PCDH9: variants seen among roughly 807,000 people sequenced by gnomAD.
The protein encoded by PCDH9 is protocadherin-9.
In PCDH9, 24 loss-of-function variants were observed where a neutral mutation model predicts 70.6. The ratio of observed to expected loss-of-function variants is 0.34; its 90% CI spans 0.25 to 0.48. The LOEUF is 0.48. PCDH9 is among the 20% of genes least tolerant of loss of function. The pLI is 0.99. For missense variants in PCDH9, 1,281 were observed against 1,503.6 expected (o/e 0.85, Z 2.45); for synonymous variants, 562 against 558.5 (o/e 1.01, Z -0.09).
At chr13:66,726,143 G>A (rs1165061355) in intron 3 of PCDH9, among the ~76,000 whole-genome samples, 2 of 152,042 alleles carry the variant, frequency 1.3e-5, no homozygotes, top group African/African-American at 2.4e-5. Flanking sequence ...GAGAGAGAAG[G>A]GAGAAAGAGG....
At chr13:67,126,689 A>C (rs1566441090) in intron 2 of PCDH9, among the ~76,000 whole-genome samples, 1 of 152,136 alleles carries the variant, frequency 6.6e-6, no homozygotes, top group Non-Finnish European at 1.5e-5. Flanking sequence ...TCTCTACTAA[A>C]AATACAAAAG....
At chr13:66,462,012 G>A (rs1340248921) in intron 4 of PCDH9, among the ~76,000 whole-genome samples, 1 of 151,670 alleles carries the variant, frequency 6.6e-6, no homozygotes, top group East Asian at 1.9e-4. Context: ...CAACAAGCTG[G>A]AGCTAGTTCC....
chr13:66,695,379 T>C (rs2078548049), intron 3 of PCDH9, among the ~76,000 whole-genome samples: 1 of 152,196 alleles, frequency 6.6e-6, no homozygotes, highest in Non-Finnish European at 1.5e-5. Context: ...CTAGCTACTA[T>C]ATCCCCAAGA....
rs369252004 is a variant in PCDH9 at position 66,469,344 on chromosome 13, A to G, written c.3340+161866T>C. ...TAACTTCAAGATACTTTAAAAATGT[A>G]TAGTCTGTCAATATTGATTCACAGA... On this transcript the variant is annotated intron_variant, in intron 4 of 4. Transcript: ENST00000377865. Among the ~76,000 whole-genome samples, 8 of 152,170 alleles carry G rather than the reference A, an allele frequency of 5.3e-5. No homozygotes were observed. In the East Asian group the frequency reaches 9.7e-4, roughly 18 times the overall value.
chr13:67,153,351 G>A (rs2087710832), intron 2 of PCDH9, among the ~76,000 whole-genome samples: 1 of 150,682 alleles, frequency 6.6e-6, no homozygotes, highest in Non-Finnish European at 1.5e-5. Context: ...ATTTTTTTTT[G>A]CAGATATGGT....
chr13:66,736,613 A>T, intron 3 of PCDH9, among the ~76,000 whole-genome samples: 1 of 152,326 alleles, frequency 6.6e-6, no homozygotes, highest in East Asian at 1.9e-4. Flanking sequence ...TAAAAAACAA[A>T]GTTTTCAGGG....
At position 66,701,887 on chromosome 13, in the gene PCDH9, G is replaced by A. The variant is rs2078652326; in HGVS notation, c.3139-70476C>T. On this transcript the variant is annotated intron_variant, in intron 3 of 4. Transcript: ENST00000377865. ...TAATCCTGGTAACATTTCTTCTTCT[G>A]ATGCAGGGATTGTTACTCTCTTTGT... Among the ~76,000 whole-genome samples the A allele has an allele frequency of 1.3e-5, 2 of 152,092 alleles. 1 individual carries two copies. Among genetic ancestry groups the A allele is most frequent in the South Asian group, 4.1e-4 (2 of 4,826 alleles).
chr13:66,360,000 G>A (rs1297357885), intron 4 of PCDH9, among the ~76,000 whole-genome samples: 1 of 152,034 alleles, frequency 6.6e-6, no homozygotes, highest in Non-Finnish European at 1.5e-5. Context: ...TTTAAAGTTT[G>A]TTTGGTTAGC....
At chr13:67,010,797 A>T (rs1236539633) in intron 2 of PCDH9, among the ~76,000 whole-genome samples, 1 of 152,002 alleles carries the variant, frequency 6.6e-6, no homozygotes, top group Non-Finnish European at 1.5e-5. Flanking sequence ...TCAAATTCAG[A>T]TTAGCCACCA....
intron 2 of PCDH9, among the ~76,000 whole-genome samples, chr13:67,115,286 C>G (rs769816873): frequency 2.0e-5 from 3 of 152,142 alleles, no homozygotes; most frequent in Non-Finnish European, 2.9e-5. Flanking sequence ...GGTTTCAAAG[C>G]TAATGCTGGT....
At chr13:66,608,994 C>T (rs1046198661) in intron 4 of PCDH9, among the ~76,000 whole-genome samples, 2 of 152,140 alleles carry the variant, frequency 1.3e-5, no homozygotes, top group African/African-American at 4.8e-5. Flanking sequence ...TCTAGGGAGA[C>T]CCCAACTTGG....
intron 4 of PCDH9, among the ~76,000 whole-genome samples, chr13:66,603,874 T>C (rs1327083039): frequency 1.3e-5 from 2 of 151,944 alleles, no homozygotes; most frequent in African/African-American, 4.8e-5. Context: ...TACTAGAACA[T>C]AAGATTATAA....
chr13:66,765,900 A>G (rs2139261956), intron 3 of PCDH9, among the ~76,000 whole-genome samples: 1 of 152,134 alleles, frequency 6.6e-6, no homozygotes, highest in South Asian at 2.1e-4. Flanking sequence ...ATATAGAACC[A>G]GAGAAAGAAC....
chr13:66,576,934 C>T, intron 4 of PCDH9, among the ~76,000 whole-genome samples: 1 of 151,794 alleles, frequency 6.6e-6, no homozygotes, highest in South Asian at 2.1e-4. Flanking sequence ...TATAAATTTA[C>T]ACTAAAAAAC....
chr13:66,410,827 T>C (rs755494113), intron 4 of PCDH9, among the ~76,000 whole-genome samples: 10 of 152,178 alleles, frequency 6.6e-5, no homozygotes, highest in Non-Finnish European at 1.3e-4. Context: ...GAAGATAAAA[T>C]ATTTTTAGTT....
In PCDH9 at chr13:67,230,070, C is replaced by G. The variant is rs2089972214; in HGVS notation, c.-426G>C. The G allele has an allele frequency of 6.6e-6, 1 of 152,414 alleles. No homozygotes were observed. The highest frequency in any genetic ancestry group is 2.1e-4 in the South Asian group (1 of 4,828). The allele number at this position is 152,414 out of a possible 1,614,324, so 9.4% of individuals were successfully genotyped here. A position where few individuals can be genotyped will look rare whatever the true frequency, so the allele number is the denominator to read the frequency against. On this transcript the variant is annotated 5_prime_UTR_variant, in exon 1 of 5. Coordinates refer to ENST00000377865, the MANE Select transcript of PCDH9 (RefSeq NM_203487.3). Reference sequence around the variant, plus strand: ...ACAACACATAGTTGCACTTCTTCAGCTCAGGGATATTTTCCACAGCAGCAT... The same window carrying G: ...ACAACACATAGTTGCACTTCTTCAGGTCAGGGATATTTTCCACAGCAGCAT...
chr13:66,898,228 T>C (rs2082215282), intron 3 of PCDH9, among the ~76,000 whole-genome samples: 1 of 152,100 alleles, frequency 6.6e-6, no homozygotes, highest in Admixed American at 6.6e-5. Flanking sequence ...TATTTTAATA[T>C]GTTAGGAGTT....
chr13:66,495,062 GA>G (rs1047647062), intron 4 of PCDH9, among the ~76,000 whole-genome samples: 1 of 151,832 alleles, frequency 6.6e-6, no homozygotes, highest in African/African-American at 2.4e-5. Context: ...TTAAAAACAT[GA>G]AAAAAATAGA....
chr13:67,209,630 G>A (rs2089429241), intron 2 of PCDH9: 1 of 152,098 alleles, frequency 6.6e-6, no homozygotes, highest in Non-Finnish European at 1.5e-5. Context: ...GTTATTAGAC[G>A]AGTAAGTATT....
Sources: allele counts gnomAD v4.1 joint callset (sites outside exome capture counted in the v4.1 genomes callset), GRCh38; gene constraint gnomAD v4.1.1; transcripts MANE v1.5; gene names NCBI Gene and HGNC (gene_info 2026-07-23, HGNC 2026-07-21).